The following TTC21A variants were observed in gnomAD, a reference collection of about 807,000 sequenced individuals.
The protein encoded by TTC21A is tetratricopeptide repeat domain 21A.
Under a neutral mutation model 156.4 loss-of-function variants are expected in TTC21A, and 128 were observed. The ratio of observed to expected loss-of-function variants is 0.82; its 90% CI spans 0.71 to 0.95. The LOEUF (loss-of-function observed/expected upper bound fraction) is 0.95. Among genes scored for constraint, TTC21A ranks in the 40% least tolerant of loss-of-function variants. The probability of loss-of-function intolerance (pLI) is 0.00; values close to 1 mark genes in which losing one functional copy is unlikely to be tolerated. For missense variants in TTC21A, 1,435 were observed against 1,602.3 expected, an observed-to-expected ratio of 0.90 and a Z score of 1.78; for synonymous variants, 587 against 617.1, an observed-to-expected ratio of 0.95 and a Z score of 0.72.
chr3:39,116,453 T>G (rs7643694), intron 6 of TTC21A, among the ~76,000 whole-genome samples: 7,540 of 150,220 alleles, frequency 0.05, 371 homozygotes, highest in East Asian at 0.16. Flanking sequence ...ATATTCTTTG[T>G]GTATTCTAAT....
At chr3:39,136,687 GC>G in intron 23 of TTC21A, 180 bp downstream of exon 23, 1 of 976,616 alleles carries the variant, frequency 1.0e-6, no homozygotes, top group Non-Finnish European at 1.5e-6. Flanking sequence ...AGAGCCTGCA[GC>G]CTCTGGATGG....
chr3:39,133,109 A>T lies in TTC21A; in HGVS notation c.2620A>T (p.Ile874Phe), dbSNP rs2038856480. The T allele has an allele frequency of 6.2e-7, 1 of 1,614,224 alleles. No individual in the cohort carries two copies. The highest frequency in any genetic ancestry group is 1.7e-5 in the Admixed American group (1 of 60,022). ...AGTTCCACTGGAGCAACCAGAAATGATTCCCTCCCAGAAGCAACTGGCAGC... is the reference window on the plus strand; with the variant it reads ...AGTTCCACTGGAGCAACCAGAAATGTTTCCCTCCCAGAAGCAACTGGCAGC... ...KRVPLEQPEMIPSQKQLAASI... is the reference protein window; with the variant it reads ...KRVPLEQPEMFPSQKQLAASI... The change falls in exon 20 of 29, where the codon ATT (isoleucine) becomes TTT (phenylalanine). Residue 874 changes from isoleucine (I) to phenylalanine (F), a missense_variant. Transcript: ENST00000683103.
At position 39,121,034 on chromosome 3, in the gene TTC21A, G is replaced by A; in HGVS notation, c.938G>A (p.Ser313Asn). 1.2e-6 allele frequency: 2 copies of A among 1,613,288 alleles called. No homozygotes were observed. Among genetic ancestry groups the A allele is most frequent in the South Asian group, 2.2e-5 (2 of 90,986 alleles). Reference protein sequence around the residue: ...SHQVILGLVCSFIERTFMATP... With the variant: ...SHQVILGLVCNFIERTFMATP... ...CAGGTGATTCTAGGGCTAGTGTGTAGTTTCATCGAGCGCACCTTCATGGCC... is the reference window on the plus strand; with the variant it reads ...CAGGTGATTCTAGGGCTAGTGTGTAATTTCATCGAGCGCACCTTCATGGCC... Residue 313 changes from serine (S) to asparagine (N), a missense_variant, in exon 9 of 29, where the codon AGT (serine) becomes AAT (asparagine). Transcript: ENST00000683103.
At position 39,134,924 on chromosome 3, in the gene TTC21A, C is replaced by T. The variant is rs1325396430; in HGVS notation, c.2863-169C>T. The stretch of plus-strand genomic sequence containing the variant: ...CCTTCTGGGTGGGGGCCTGAGAAAC[C>T]CTCAGGCTTCTCCTGTGGCAGCTTC... On this transcript the variant is annotated intron_variant, in intron 21 of 28. Transcript: ENST00000683103. The surrounding 1 kb of genome is among the most constrained non-coding windows in gnomAD (Gnocchi z 4.6). 2 of 631,286 alleles carry T rather than the reference C, an allele frequency of 3.2e-6. No individual in the cohort carries two copies. The highest frequency in any genetic ancestry group is 5.3e-5 in the Admixed American group (2 of 37,676). 39.1% of individuals were successfully genotyped at this position (631,286 alleles called of 1,614,324 possible). A position where few individuals can be genotyped will look rare whatever the true frequency, so the allele number is the denominator to read the frequency against.
intron 15 of TTC21A, 143 bp from the exon 16 acceptor site, chr3:39,129,936 T>C: frequency 1.1e-6 from 1 of 908,092 alleles, no homozygotes; most frequent in South Asian, 1.6e-5. Context: ...CAGTGCCTCA[T>C]TCACAGTGGA....
chr3:39,114,832 TA>T, intron 6 of TTC21A, 90 bp downstream of exon 6: 1 of 1,487,878 alleles, frequency 6.7e-7, no homozygotes, highest in Non-Finnish European at 9.2e-7. Context: ...GACAGAAAGG[TA>T]AATATCGCCC....
At chr3:39,114,769 A>G (rs1479342128) in intron 6 of TTC21A, 27 bp downstream of exon 6, 1 of 1,613,766 alleles carries the variant, frequency 6.2e-7, no homozygotes. Context: ...ATGGGCAGCC[A>G]AGGGTGGTAA....
At chr3:39,113,896 C>A (rs573360835) in intron 5 of TTC21A, among the ~76,000 whole-genome samples, 1 of 152,304 alleles carries the variant, frequency 6.6e-6, no homozygotes, top group East Asian at 1.9e-4. Context: ...ACGGAATAAT[C>A]CTCTTGTTTT....
rs527930144 is a variant in TTC21A at position 39,137,390 on chromosome 3, G to A, written c.3450+3G>A. On this transcript the variant is annotated splice_donor_region_variant and intron_variant, in intron 25 of 28. Transcript: ENST00000683103. ...TCATCCAGATAGCGCAGGCTGAGGT[G>A]TGGCTGGTGGGGACTGGCGGGCATG... The A allele has an allele frequency of 1.2e-6, 2 of 1,612,134 alleles. No individual in the cohort carries two copies. The highest frequency in any genetic ancestry group is 1.1e-5 in the South Asian group (1 of 90,988).
chr3:39,108,225 T>G, intron 1 of TTC21A: 1 of 416,684 alleles, frequency 2.4e-6, no homozygotes, highest in African/African-American at 2.0e-5. Flanking sequence ...CTCTTCCCTA[T>G]ACTCATCTTC....
intron 8 of TTC21A, 38 bp from the exon 9 acceptor site, chr3:39,120,959 G>A (rs1226558767): frequency 2.4e-5 from 38 of 1,559,720 alleles, no homozygotes; most frequent in Non-Finnish European, 3.3e-5. Flanking sequence ...AGGCTGGACT[G>A]ACTGGTTTCC....
intron 9 of TTC21A, among the ~76,000 whole-genome samples, chr3:39,122,125 A>T (rs2037817725): frequency 6.6e-6 from 1 of 152,212 alleles, no homozygotes; most frequent in Non-Finnish European, 1.5e-5. Flanking sequence ...CCTGGCCAAC[A>T]TGATGAAACC....
At position 39,138,766 on chromosome 3, in the gene TTC21A, C is replaced by T; in HGVS notation, c.3920C>T (p.Ala1307Val). Residue 1307 changes from alanine to valine, a missense_variant, in exon 29 of 29, where the codon GCC becomes GTC. Ala to Val is a moderately conservative substitution (Grantham distance 64, BLOSUM62 0). Transcript: ENST00000683103. ...ATCAGGGAGGAAATTTTGGAAAAGG[C>T]CCGAAGGTCCCTGAGGCCCTAGCTG... ...PKIREEILEK[A>V]RRSLRP 1.2e-6 allele frequency: 2 copies of T among 1,614,050 alleles called. No homozygotes were observed. Among genetic ancestry groups the T allele is most frequent in the South Asian group, 1.1e-5 (1 of 91,070 alleles).
At chr3:39,112,725 C>A in intron 5 of TTC21A, 145 bp downstream of exon 5, 2 of 1,283,094 alleles carry the variant, frequency 1.6e-6, no homozygotes, top group Non-Finnish European at 1.1e-6. Flanking sequence ...AGAGGTTCAG[C>A]AACCAATCCA....
At chr3:39,128,608 G>A in intron 13 of TTC21A, 109 bp from the exon 14 acceptor site, 1 of 1,557,622 alleles carries the variant, frequency 6.4e-7, no homozygotes, top group Admixed American at 1.8e-5. Flanking sequence ...TCGTCCAAAG[G>A]CAGGGGTAGG....
chr3:39,120,649 A>G (rs528579863), intron 8 of TTC21A, among the ~76,000 whole-genome samples: 2 of 152,354 alleles, frequency 1.3e-5, no homozygotes, highest in African/African-American at 4.8e-5. Flanking sequence ...CATGGCAGGG[A>G]ACATGGCTGA....
chr3:39,111,015 G>C lies in TTC21A; in HGVS notation c.433G>C (p.Glu145Gln). 1 of 1,607,754 alleles carries C rather than the reference G, an allele frequency of 6.2e-7. No individual in the cohort carries two copies. Among genetic ancestry groups the C allele is most frequent in the Non-Finnish European group, 8.5e-7 (1 of 1,175,776 alleles). ...GCTGAAGATTTCTAGAGGCTTCAGA[G>C]AGGTACTTACCACACCATGGGGACA... ...RMLKISRGFR[E>Q]AYVLRGWVDL... The change falls in exon 4 of 29, where the codon GAG becomes CAG. Residue 145 changes from glutamate (E) to glutamine (Q), a missense_variant and splice_region_variant. Physicochemically the swap from Glu to Gln is conservative, Grantham distance 29. Transcript: ENST00000683103.
chr3:39,137,447 C>T (rs1559721444), intron 25 of TTC21A, 39 bp from the exon 26 acceptor site: 1 of 1,611,912 alleles, frequency 6.2e-7, no homozygotes, highest in African/African-American at 1.3e-5. Flanking sequence ...GACCAGGCGG[C>T]CAACACGTGC....
chr3:39,109,145 G>A lies in TTC21A; in HGVS notation c.88G>A (p.Val30Met). Residue 30 changes from valine to methionine, a missense_variant, in exon 2 of 29, where the codon GTG becomes ATG. Physicochemically the swap from Val to Met is conservative, Grantham distance 21. Coordinates refer to ENST00000683103, the MANE Select transcript of TTC21A (RefSeq NM_001366900.1). ...CCACCATGTGCAGCAGGCTGCAGCTGTGGGCCTGGAAAAATTCAGCAATGA... is the reference window on the plus strand; with the variant it reads ...CCACCATGTGCAGCAGGCTGCAGCTATGGGCCTGGAAAAATTCAGCAATGA... ...YFHHVQQAAA[V>M]GLEKFSNDPV... is the part of the protein sequence containing the mutation. The A allele has an allele frequency of 1.2e-6, 2 of 1,614,184 alleles. No homozygotes were observed. The highest frequency in any genetic ancestry group is 1.7e-6 in the Non-Finnish European group (2 of 1,179,994).
Sources: allele counts gnomAD v4.1 joint callset (sites outside exome capture counted in the v4.1 genomes callset), GRCh38; gene constraint gnomAD v4.1.1; non-coding constraint Gnocchi (gnomAD v3.1); transcripts MANE v1.5; gene names NCBI Gene and HGNC (gene_info 2026-07-23, HGNC 2026-07-21).